Variants in CAMTA1 observed in about 807,000 individuals in gnomAD.
CAMTA1 encodes the protein calmodulin binding transcription activator 1.
Under a neutral mutation model 170.9 loss-of-function variants are expected in CAMTA1, and 27 were observed. The observed-to-expected ratio is 0.16, with a 90% CI of 0.12 to 0.22. The LOEUF is 0.22. Among genes scored for constraint, CAMTA1 ranks in the 10% least tolerant of loss-of-function variants. The pLI is 1.00. For missense variants in CAMTA1, 1,619 were observed against 2,217.2 expected (o/e 0.73, Z 5.42); for synonymous variants, 833 against 891.5 (o/e 0.93, Z 1.17).
In CAMTA1 at chr1:7,109,598, C is replaced by T. The variant is rs139042026; in HGVS notation, c.302+18227C>T. Among the ~76,000 whole-genome samples the T allele has an allele frequency of 8.2e-3, 1,251 of 152,290 alleles. 9 individuals are homozygous for T. The highest frequency in any genetic ancestry group is 0.013 in the Non-Finnish European group (899 of 68,022). ...ACACAGCTCTCGTTTCAGACAGACA[C>T]GACTCATTGATCAGAGATAGCACTT... On this transcript the variant is annotated intron_variant, in intron 4 of 22. Coordinates refer to ENST00000303635, the MANE Select transcript of CAMTA1 (RefSeq NM_015215.4).
At chr1:7,162,731 G>T (rs1194365047) in intron 4 of CAMTA1, among the ~76,000 whole-genome samples, 6 of 152,134 alleles carry the variant, frequency 3.9e-5, no homozygotes, top group Non-Finnish European at 7.3e-5. Flanking sequence ...CATTTAGGTT[G>T]CCTCCTCCTT....
In CAMTA1 at chr1:7,064,433, A is replaced by G. The variant is rs909021400; in HGVS notation, c.235-26871A>G. ...GGGCTTCAACCTATTAATTTTGGGG[A>G]AATACAATTCAGTCCATAGCAGTCA... is the stretch of plus-strand genomic sequence containing the variant. On this transcript the variant is annotated intron_variant, in intron 3 of 22. Coordinates refer to ENST00000303635, the MANE Select transcript of CAMTA1 (RefSeq NM_015215.4). The surrounding 1 kb of genome is among the most constrained non-coding windows in gnomAD (Gnocchi z 5.4). Among the ~76,000 whole-genome samples the G allele has an allele frequency of 6.6e-6, 1 of 152,156 alleles. No homozygotes were observed. Among genetic ancestry groups the G allele is most frequent in the African/African-American group, 2.4e-5 (1 of 41,444 alleles).
chr1:7,754,447 C>T, intron 21 of CAMTA1, among the ~76,000 whole-genome samples: 1 of 152,062 alleles, frequency 6.6e-6, no homozygotes, highest in Non-Finnish European at 1.5e-5. Context: ...TTGTTTTTGC[C>T]AAAGCTGTGT....
intron 1 of CAMTA1, among the ~76,000 whole-genome samples, chr1:6,803,876 A>G (rs910287361): frequency 3.3e-5 from 5 of 152,042 alleles, no homozygotes; most frequent in African/African-American, 9.7e-5. Context: ...CACCATGCCT[A>G]GCTGATTAAA....
intron 6 of CAMTA1, among the ~76,000 whole-genome samples, chr1:7,550,340 G>A (rs2094781884): frequency 6.6e-6 from 1 of 152,046 alleles, no homozygotes; most frequent in African/African-American, 2.4e-5. Context: ...TTTAACCTGG[G>A]CCACTCACCA....
chr1:7,207,527 A>G (rs1432762032), intron 4 of CAMTA1, among the ~76,000 whole-genome samples: 2 of 152,228 alleles, frequency 1.3e-5, no homozygotes, highest in Non-Finnish European at 2.9e-5. Flanking sequence ...TCCAACCGAC[A>G]CAATCACCCA....
chr1:7,388,630 C>T (rs1021925558), intron 5 of CAMTA1: 1 of 152,478 alleles, frequency 6.6e-6, no homozygotes, highest in Non-Finnish European at 1.5e-5. Context: ...TCTCTTTGGC[C>T]CTGGTGAACG....
At chr1:7,130,176 T>A (rs888959790) in intron 4 of CAMTA1, among the ~76,000 whole-genome samples, 98 of 152,290 alleles carry the variant, frequency 6.4e-4, no homozygotes, top group Middle Eastern at 6.8e-3. Flanking sequence ...TGACATCAAG[T>A]GATCCACCCA....
chr1:6,971,670 C>T lies in CAMTA1; in HGVS notation c.235-119634C>T, dbSNP rs1047725286. The stretch of plus-strand genomic sequence containing the variant: ...CTGATTTGGGGCAGGATAATGGTGT[C>T]TGTGGCTGGGATAAAAACCCCCATG... On this transcript the variant is annotated intron_variant, in intron 3 of 22. Transcript: ENST00000303635. This position sits in a 1 kb window ranked among gnomAD's most constrained non-coding sequence, Gnocchi z 4.6. Among the ~76,000 whole-genome samples the T allele has an allele frequency of 2.0e-5, 3 of 152,170 alleles. No homozygotes were observed. Among genetic ancestry groups the T allele is most frequent in the Non-Finnish European group, 4.4e-5 (3 of 68,026 alleles).
At chr1:7,379,922 G>A (rs988301749) in intron 5 of CAMTA1, among the ~76,000 whole-genome samples, 1 of 152,176 alleles carries the variant, frequency 6.6e-6, no homozygotes, top group Non-Finnish European at 1.5e-5. Flanking sequence ...TTGAGGCTGC[G>A]GCCAGGCAGA....
Position 7,199,106 on chromosome 1 carries a change from G to C in CAMTA1, c.303-50385G>C, listed in dbSNP as rs185589390. Among the ~76,000 whole-genome samples the C allele has an allele frequency of 2.0e-5, 3 of 152,264 alleles. No individual in the cohort carries two copies. In the East Asian group the frequency reaches 5.8e-4, roughly 29 times the overall value. On this transcript the variant is annotated intron_variant, in intron 4 of 22. Transcript: ENST00000303635. ...CTGGAGGTTTGCGCGGCACGTGGTG[G>C]GTACTGTCTCCATCTTTGCTGAAGG...
chr1:7,055,869 T>C (rs1430589829), intron 3 of CAMTA1, among the ~76,000 whole-genome samples: 1 of 152,226 alleles, frequency 6.6e-6, no homozygotes, highest in African/African-American at 2.4e-5. Flanking sequence ...CAGCAAATTT[T>C]GGTCAGAGGT....
chr1:7,556,829 A>T (rs1020524520), intron 6 of CAMTA1, among the ~76,000 whole-genome samples: 3 of 151,980 alleles, frequency 2.0e-5, no homozygotes, highest in African/African-American at 7.3e-5. Context: ...CAAAAGGGCC[A>T]CCCCACTCAG....
chr1:7,323,604 C>G (rs1016015189), intron 5 of CAMTA1, among the ~76,000 whole-genome samples: 1 of 149,820 alleles, frequency 6.7e-6, no homozygotes, highest in Non-Finnish European at 1.5e-5. Flanking sequence ...CTCACTGCAG[C>G]CTCCACTTCC....
intron 3 of CAMTA1, among the ~76,000 whole-genome samples, chr1:7,058,867 A>G (rs1707776153): frequency 7.2e-6 from 1 of 138,928 alleles, no homozygotes; most frequent in Non-Finnish European, 1.6e-5. Context: ...GTACACACAC[A>G]CATACACACA....
At chr1:7,757,256 T>C (rs7548229) in intron 22 of CAMTA1, among the ~76,000 whole-genome samples, 92,987 of 152,008 alleles carry the variant, frequency 0.61, 28,824 homozygotes, top group Middle Eastern at 0.74. Context: ...GTGGGCTGTA[T>C]GGTCTGTCCC....
chr1:6,854,243 T>TG (rs1661445723), intron 3 of CAMTA1, among the ~76,000 whole-genome samples: 1 of 152,218 alleles, frequency 6.6e-6, no homozygotes, highest in African/African-American at 2.4e-5. Context: ...ACTGTTTCTA[T>TG]GTTTATATGT....
intron 5 of CAMTA1, among the ~76,000 whole-genome samples, chr1:7,271,643 T>TA (rs145820906): frequency 6.7e-6 from 1 of 148,778 alleles, no homozygotes; most frequent in African/African-American, 2.5e-5. Flanking sequence ...GAAAAGAGCT[T>TA]AAAAAAAAGA....
intron 5 of CAMTA1, among the ~76,000 whole-genome samples, chr1:7,386,582 C>T (rs771734511): frequency 1.3e-5 from 2 of 152,144 alleles, no homozygotes; most frequent in Admixed American, 6.5e-5. Flanking sequence ...TCCTACGCAG[C>T]GATGCCTCCC....
Sources: allele counts gnomAD v4.1 joint callset (sites outside exome capture counted in the v4.1 genomes callset), GRCh38; gene constraint gnomAD v4.1.1; non-coding constraint Gnocchi (gnomAD v3.1); transcripts MANE v1.5; gene names NCBI Gene and HGNC (gene_info 2026-07-23, HGNC 2026-07-21).